The following HTATIP2 variants were observed in gnomAD, a reference collection of about 807,000 sequenced individuals.
HTATIP2 encodes the protein HIV-1 Tat interactive protein 2, also known as protein HTATIP2.
In HTATIP2, 26 loss-of-function variants were observed where a neutral mutation model predicts 24.7. The ratio of observed to expected loss-of-function variants is 1.05; its 90% confidence interval spans 0.77 to 1.46. HTATIP2 has a LOEUF of 1.46. HTATIP2 is among the 40% of genes most tolerant of loss of function. The pLI is 0.00. For synonymous variants in HTATIP2, 99 were observed against 113.2 expected (o/e 0.87, Z 0.79); for missense variants, 284 against 289.6 (o/e 0.98, Z 0.14).
Position 20,367,124 on chromosome 11 carries a change from G to A in HTATIP2, c.196-50G>A, listed in dbSNP as rs556049921. ...TCTTTAAATCTAGAGGGGGTTTTTG[G>A]TCTGTTGTTTAAATAACATGAAACT... is the stretch of plus-strand genomic sequence containing the variant. On this transcript the variant is annotated intron_variant, in intron 1 of 4. Transcript: ENST00000451739. 2.9e-4 allele frequency: 465 copies of A among 1,599,166 alleles called. 5 individuals are homozygous for A. The South Asian group carries it at 4.9e-3, about 17-fold the overall frequency.
rs577511864 is a variant in HTATIP2, at chr11:20,373,379, C to T, written c.304-3201C>T. ...TTAATTTTCATCAAACAATTGGAGA[C>T]GACAGCACTCTATTAAGGAGAGGTT... is the stretch of plus-strand genomic sequence containing the variant. On this transcript the variant is annotated intron_variant, in intron 2 of 4. Transcript: ENST00000451739. Among the ~76,000 whole-genome samples, 6 of 152,182 alleles carry T rather than the reference C, an allele frequency of 3.9e-5. 1 individual carries two copies. The Middle Eastern group carries it at 0.01, about 259-fold the overall frequency.
At chr11:20,375,041 T>C (rs544530187) in intron 2 of HTATIP2, among the ~76,000 whole-genome samples, 2 of 152,188 alleles carry the variant, frequency 1.3e-5, no homozygotes, top group East Asian at 1.9e-4. Flanking sequence ...AAAAGGAACA[T>C]GGGTACAGTG....
intron 4 of HTATIP2, 108 bp from the exon 5 acceptor site, chr11:20,382,872 T>C: frequency 1.3e-6 from 1 of 746,926 alleles, no homozygotes; most frequent in Non-Finnish European, 2.2e-6. Flanking sequence ...GCTTCAACAT[T>C]AGAATATTGA....
intron 3 of HTATIP2, among the ~76,000 whole-genome samples, chr11:20,377,906 C>T (rs73447446): frequency 0.026 from 4,021 of 152,234 alleles, 178 homozygotes; most frequent in African/African-American, 0.091. Context: ...GGCATAACAC[C>T]TTTAAATCCT....
chr11:20,363,906 G>T lies in HTATIP2; in HGVS notation c.-332G>T. ...CGTGAGGACCCGGGGCCGGGGGCTG[G>T]CCCCAGGTAACCCCTCCGCGTATGG... On this transcript the variant is annotated 5_prime_UTR_variant, in exon 1 of 5. Coordinates refer to ENST00000451739, the MANE Select transcript of HTATIP2 (RefSeq NM_001098522.2). 1 of 1,242,644 alleles carries T rather than the reference G, an allele frequency of 8.0e-7. No homozygotes were observed. The allele number at this position is 1,242,644 out of a possible 1,614,324, so 77.0% of individuals were successfully genotyped here.
In HTATIP2 at chr11:20,383,252, C is replaced by A; in HGVS notation, c.*47C>A. The A allele has an allele frequency of 7.1e-7, 1 of 1,410,534 alleles. No homozygotes were observed. The highest frequency in any genetic ancestry group is 1.4e-5 in the African/African-American group (1 of 70,806). 87.4% of individuals were successfully genotyped at this position (1,410,534 alleles called of 1,614,324 possible). ...TATTGTCAACCTTAACACCCATCAC[C>A]AAATCGGTAATTTCAGGGTCTAAAA... On this transcript the variant is annotated 3_prime_UTR_variant, in exon 5 of 5. Coordinates refer to ENST00000451739, the MANE Select transcript of HTATIP2 (RefSeq NM_001098522.2).
At position 20,364,308 on chromosome 11, in the gene HTATIP2, T is replaced by G; in HGVS notation, c.71T>G (p.Leu24Trp). ...ATGCAGAATAAATCCGTCTTTATTT[T>G]GGGCGCCAGCGGAGAAACCGGCAGA... ...FRMQNKSVFI[L>W]GASGETGRVL... Residue 24 changes from leucine to tryptophan, a missense_variant, in exon 1 of 5, where the codon TTG becomes TGG. Leu to Trp is a moderately conservative substitution (Grantham distance 61). Coordinates refer to ENST00000451739, the MANE Select transcript of HTATIP2 (RefSeq NM_001098522.2). 6.2e-7 allele frequency: 1 copy of G among 1,613,854 alleles called. No individual in the cohort carries two copies. Among genetic ancestry groups the G allele is most frequent in the African/African-American group, 1.3e-5 (1 of 75,070 alleles).
At position 20,363,811 on chromosome 11, in the gene HTATIP2, G is replaced by T; in HGVS notation, c.-427G>T. ...CCGACCAGGGAAGGTGGGATGCTCT[G>T]ATGGCCGGGCCTGCGGCGCTGAGCG... is the stretch of plus-strand genomic sequence containing the variant. On this transcript the variant is annotated 5_prime_UTR_variant, in exon 1 of 5. It removes the in-frame stop codon of an upstream open reading frame in the 5' UTR. Coordinates refer to ENST00000451739, the MANE Select transcript of HTATIP2 (RefSeq NM_001098522.2). 8.0e-7 allele frequency: 1 copy of T among 1,245,336 alleles called. No individual in the cohort carries two copies. 77.1% of individuals were successfully genotyped at this position (1,245,336 alleles called of 1,614,324 possible).
At chr11:20,379,121 C>A (rs1592322108) in intron 3 of HTATIP2, among the ~76,000 whole-genome samples, 2 of 151,940 alleles carry the variant, frequency 1.3e-5, no homozygotes, top group East Asian at 3.8e-4. Context: ...AGAGCTTGAA[C>A]CCAGGCTGAT....
chr11:20,363,927 T>C lies in HTATIP2; in HGVS notation c.-311T>C. On this transcript the variant is annotated 5_prime_UTR_variant, in exon 1 of 5. Coordinates refer to ENST00000451739, the MANE Select transcript of HTATIP2 (RefSeq NM_001098522.2). ...GCTGGCCCCAGGTAACCCCTCCGCG[T>C]ATGGGACCGAGCTGGGCCAGGTCTC... 8.0e-7 allele frequency: 1 copy of C among 1,242,362 alleles called. No homozygotes were observed. Among genetic ancestry groups the C allele is most frequent in the Non-Finnish European group, 1.0e-6 (1 of 989,798 alleles). The allele number at this position is 1,242,362 out of a possible 1,614,324, so 77.0% of individuals were successfully genotyped here. A position where few individuals can be genotyped will look rare whatever the true frequency, so the allele number is the denominator to read the frequency against.
At position 20,368,961 on chromosome 11, in the gene HTATIP2, C is replaced by T. The variant is rs540541961; in HGVS notation, c.303+1680C>T. ...GCAAGAATAGACTAATGAGCCTAGA[C>T]TATTCACCTAGCTTAGAAATGAATT... On this transcript the variant is annotated intron_variant, in intron 2 of 4. Transcript: ENST00000451739. 3.9e-5 allele frequency among the ~76,000 whole-genome samples: 6 copies of T among 152,264 alleles called. No homozygotes were observed. In the East Asian group the frequency reaches 1.2e-3, roughly 29 times the overall value.
chr11:20,363,903 C>A lies in HTATIP2; in HGVS notation c.-335C>A. 1.6e-6 allele frequency: 2 copies of A among 1,242,878 alleles called. No homozygotes were observed. Among genetic ancestry groups the A allele is most frequent in the African/African-American group, 1.5e-5 (1 of 64,538 alleles). 77.0% of individuals were successfully genotyped at this position (1,242,878 alleles called of 1,614,324 possible). A position where few individuals can be genotyped will look rare whatever the true frequency, so the allele number is the denominator to read the frequency against. On this transcript the variant is annotated 5_prime_UTR_variant, in exon 1 of 5. It adds an upstream start codon to the 5' untranslated region. Transcript: ENST00000451739. ...CGTCGTGAGGACCCGGGGCCGGGGGCTGGCCCCAGGTAACCCCTCCGCGTA... is the reference window on the plus strand; with the variant it reads ...CGTCGTGAGGACCCGGGGCCGGGGGATGGCCCCAGGTAACCCCTCCGCGTA...
chr11:20,380,197 T>C (rs1848497642), intron 3 of HTATIP2, among the ~76,000 whole-genome samples: 1 of 152,142 alleles, frequency 6.6e-6, no homozygotes, highest in Non-Finnish European at 1.5e-5. Context: ...GTACAGACAG[T>C]TTAGGCATAG....
At chr11:20,369,901 G>A (rs897439121) in intron 2 of HTATIP2, among the ~76,000 whole-genome samples, 4 of 152,170 alleles carry the variant, frequency 2.6e-5, no homozygotes, top group Non-Finnish European at 5.9e-5. Context: ...TCTAGGAAAA[G>A]GTCTATTAGC....
rs773543229 is a variant in HTATIP2, at chr11:20,382,236, C to T, written c.500C>T (p.Pro167Leu). ...LKFDRYSVFRPGVLLCDRQES... is the reference protein window; with the variant it reads ...LKFDRYSVFRLGVLLCDRQES... The stretch of plus-strand genomic sequence containing the variant: ...TTTGATCGTTACTCTGTATTTAGGC[C>T]TGGGTAAGTATAATATTTATACTGA... Residue 167 changes from proline to leucine, a missense_variant, in exon 4 of 5, where the codon CCT becomes CTT. Transcript: ENST00000451739. The T allele has an allele frequency of 6.4e-7, 1 of 1,552,496 alleles. No homozygotes were observed. The highest frequency in any genetic ancestry group is 1.4e-5 in the African/African-American group (1 of 73,652).
chr11:20,363,765 G>A lies in HTATIP2; in HGVS notation c.-473G>A, dbSNP rs539440161. 4.2e-5 allele frequency: 52 copies of A among 1,238,034 alleles called. No homozygotes were observed. In the South Asian group the frequency reaches 9.2e-4, roughly 22 times the overall value. 76.7% of individuals were successfully genotyped at this position (1,238,034 alleles called of 1,614,324 possible). A position where few individuals can be genotyped will look rare whatever the true frequency, so the allele number is the denominator to read the frequency against. ...ACCAAGCCGGGTAGGCGCTGTCTCC[G>A]TCGCCTCCAACCCCCCCGGTCCGAC... On this transcript the variant is annotated 5_prime_UTR_variant, in exon 1 of 5. Transcript: ENST00000451739.
chr11:20,374,113 T>A (rs1475647625), intron 2 of HTATIP2, among the ~76,000 whole-genome samples: 2 of 152,136 alleles, frequency 1.3e-5, no homozygotes, highest in African/African-American at 4.8e-5. Context: ...AATGTACTTG[T>A]GAGTGATGGG....
intron 3 of HTATIP2, among the ~76,000 whole-genome samples, chr11:20,381,656 A>G (rs977245575): frequency 6.6e-6 from 1 of 152,068 alleles, no homozygotes; most frequent in Non-Finnish European, 1.5e-5. Flanking sequence ...TTTTGTTTCC[A>G]GAGATGCCTG....
At chr11:20,373,917 C>T (rs531879428) in intron 2 of HTATIP2, among the ~76,000 whole-genome samples, 9 of 152,220 alleles carry the variant, frequency 5.9e-5, no homozygotes, top group East Asian at 1.9e-4. Context: ...GAATTTGAGT[C>T]GGTATATAGA....
Sources: allele counts gnomAD v4.1 joint callset (sites outside exome capture counted in the v4.1 genomes callset), GRCh38; gene constraint gnomAD v4.1.1; transcripts MANE v1.5; gene names NCBI Gene and HGNC (gene_info 2026-07-23, HGNC 2026-07-21).